The following TRAPPC11 variants were observed in gnomAD, a reference collection of about 807,000 sequenced individuals.
TRAPPC11 encodes foie gras homolog.
In TRAPPC11, 104 loss-of-function variants were observed where a neutral mutation model predicts 151.2. The observed-to-expected ratio is 0.69, with a 90% CI of 0.59 to 0.81. The LOEUF is 0.81. Ranked by LOEUF, TRAPPC11 falls within the 30% of genes least tolerant of loss-of-function variation. The probability of loss-of-function intolerance (pLI) is 0.00; values close to 1 mark genes in which losing one functional copy is unlikely to be tolerated. For synonymous variants in TRAPPC11, 456 were observed against 472.3 expected, an observed-to-expected ratio of 0.97 and a Z score of 0.45; for missense variants, 1,230 against 1,349.6, an observed-to-expected ratio of 0.91 and a Z score of 1.39.
At chr4:183,663,755 T>TTTTTTA in intron 1 of TRAPPC11, 92 bp from the exon 2 acceptor site, 2 of 473,398 alleles carry the variant, frequency 4.2e-6, no homozygotes, top group Non-Finnish European at 7.3e-6. Context: ...TTTTTTTTTT[T>TTTTTTA]GAGACAGAGT....
At chr4:183,662,927 G>C (rs746221655) in intron 1 of TRAPPC11, among the ~76,000 whole-genome samples, 1 of 152,024 alleles carries the variant, frequency 6.6e-6, no homozygotes, top group Non-Finnish European at 1.5e-5. Context: ...TAACATGAAA[G>C]ATTTTTTCTT....
intron 2 of TRAPPC11, among the ~76,000 whole-genome samples, chr4:183,665,341 A>T (rs191120504): frequency 6.6e-6 from 1 of 151,880 alleles, no homozygotes; most frequent in African/African-American, 2.4e-5. Context: ...TGATCTGCCC[A>T]CCTTGGCCTC....
intron 19 of TRAPPC11, 91 bp from the exon 20 acceptor site, chr4:183,692,869 T>A: frequency 1.7e-6 from 2 of 1,199,338 alleles, no homozygotes; most frequent in Non-Finnish European, 2.4e-6. Flanking sequence ...AACTCCATGG[T>A]CTTAGCAGTC....
chr4:183,664,154 T>C, intron 2 of TRAPPC11, 83 bp downstream of exon 2: 1 of 1,292,054 alleles, frequency 7.7e-7, no homozygotes, highest in Non-Finnish European at 1.1e-6. Flanking sequence ...GTTGTGTGTG[T>C]GGAGTTTATC....
intron 26 of TRAPPC11, among the ~76,000 whole-genome samples, chr4:183,702,535 C>T (rs1472975573): frequency 6.6e-6 from 1 of 151,970 alleles, no homozygotes; most frequent in Non-Finnish European, 1.5e-5. Context: ...ACAAAGCAAG[C>T]TACTGATGAG....
At chr4:183,674,398 G>T (rs1735305761) in intron 5 of TRAPPC11, among the ~76,000 whole-genome samples, 1 of 136,500 alleles carries the variant, frequency 7.3e-6, no homozygotes, top group Non-Finnish European at 1.5e-5. Flanking sequence ...AGCCTGGGTA[G>T]TGACAGAGCC....
chr4:183,667,197 G>T (rs898771522), intron 4 of TRAPPC11, 67 bp downstream of exon 4: 46 of 1,330,756 alleles, frequency 3.5e-5, no homozygotes, highest in Middle Eastern at 4.2e-4. Context: ...GGAGATAGGG[G>T]TTTTTTGGAT....
At chr4:183,667,278 G>A (rs1561028316) in intron 4 of TRAPPC11, 148 bp downstream of exon 4, 4 of 568,880 alleles carry the variant, frequency 7.0e-6, no homozygotes, top group Non-Finnish European at 1.2e-5. Flanking sequence ...AATGATACAT[G>A]AACAAATGCT....
Position 183,679,623 on chromosome 4 carries a change from T to A in TRAPPC11, c.965+137T>A, listed in dbSNP as rs563675731. 7 of 623,304 alleles carry A rather than the reference T, an allele frequency of 1.1e-5. No homozygotes were observed. The African/African-American group carries it at 1.3e-4, about 12-fold the overall frequency. 38.6% of individuals were successfully genotyped at this position (623,304 alleles called of 1,614,324 possible). On this transcript the variant is annotated intron_variant, in intron 9 of 29. Transcript: ENST00000334690. Reference sequence around the variant, plus strand: ...TTTTTGATGATGTAGCATAAGTATGTTTCTGGTAATATTGTACATTGATAT... The same window carrying A: ...TTTTTGATGATGTAGCATAAGTATGATTCTGGTAATATTGTACATTGATAT...
Position 183,677,602 on chromosome 4 carries a change from A to G in TRAPPC11, c.831+48A>G, listed in dbSNP as rs201503781. The G allele has an allele frequency of 1.6e-4, 174 of 1,067,538 alleles. No individual in the cohort carries two copies. In the African/African-American group the frequency reaches 2.7e-3, roughly 16 times the overall value. The allele number at this position is 1,067,538 out of a possible 1,614,324, so 66.1% of individuals were successfully genotyped here. A position where few individuals can be genotyped will look rare whatever the true frequency, so the allele number is the denominator to read the frequency against. Reference sequence around the variant, plus strand: ...CAGGGAATTTGTGTTTCAATATTAAATTATCTTTTTAAAATTTGAACATCA... The same window carrying G: ...CAGGGAATTTGTGTTTCAATATTAAGTTATCTTTTTAAAATTTGAACATCA... On this transcript the variant is annotated intron_variant, in intron 8 of 29. Transcript: ENST00000334690.
At chr4:183,669,546 A>G (rs4618352) in intron 5 of TRAPPC11, among the ~76,000 whole-genome samples, 77,448 of 152,082 alleles carry the variant, frequency 0.51, 20,492 homozygotes, top group African/African-American at 0.66. Context: ...CGAAGCCTTC[A>G]TTAGAAAGCT....
chr4:183,680,252 C>T lies in TRAPPC11; in HGVS notation c.1098C>T (p.Thr366=). 6.2e-7 allele frequency: 1 copy of T among 1,613,592 alleles called. No homozygotes were observed. The highest frequency in any genetic ancestry group is 1.3e-5 in the African/African-American group (1 of 75,002). ...AGGAGCGGAAACAGCTTGCAAAAAC[C>T]CTCTGTAACCACGAAGTAAGTTACT... ...YAQERKQLAK[T]LCNHEASVMY... is the part of the protein sequence containing the mutation. The change falls in exon 10 of 30, where the codon ACC becomes ACT. Residue 366 remains threonine (T), a synonymous_variant. Transcript: ENST00000334690.
intron 7 of TRAPPC11, among the ~76,000 whole-genome samples, chr4:183,675,957 G>A (rs1233298144): frequency 6.6e-6 from 1 of 151,924 alleles, no homozygotes; most frequent in African/African-American, 2.4e-5. Flanking sequence ...GAAGACAAAG[G>A]TATTAAAAAC....
chr4:183,686,378 C>G (rs913448762), intron 17 of TRAPPC11, among the ~76,000 whole-genome samples: 9 of 152,214 alleles, frequency 5.9e-5, no homozygotes, highest in Non-Finnish European at 1.2e-4. Context: ...CTCAAGTGAT[C>G]CGCCTGGCTT....
At chr4:183,671,092 C>G (rs1201439002) in intron 5 of TRAPPC11, among the ~76,000 whole-genome samples, 3 of 152,184 alleles carry the variant, frequency 2.0e-5, no homozygotes, top group South Asian at 2.1e-4. Context: ...TCTCGAACTC[C>G]TGACCTTAGG....
intron 17 of TRAPPC11, 95 bp from the exon 18 acceptor site, chr4:183,686,523 A>T: frequency 7.0e-7 from 1 of 1,429,738 alleles, no homozygotes; most frequent in Non-Finnish European, 9.6e-7. Context: ...GTCAGTGCAG[A>T]TGTGTCTTTC....
chr4:183,687,902 GAA>G (rs1300859192), intron 18 of TRAPPC11, among the ~76,000 whole-genome samples: 1 of 152,114 alleles, frequency 6.6e-6, no homozygotes, highest in African/African-American at 2.4e-5. Context: ...TTCTGCACAT[GAA>G]TATATAAGCA....
intron 1 of TRAPPC11, among the ~76,000 whole-genome samples, chr4:183,660,877 C>T (rs960028150): frequency 5.3e-5 from 8 of 151,996 alleles, no homozygotes; most frequent in Admixed American, 5.2e-4. Context: ...CCATGCCCGG[C>T]TAATTTTTGT....
chr4:183,673,316 T>C (rs565480786), intron 5 of TRAPPC11, among the ~76,000 whole-genome samples: 82 of 152,272 alleles, frequency 5.4e-4, no homozygotes, highest in African/African-American at 1.6e-3. Flanking sequence ...CATTATTTGG[T>C]TCAAGGTTAG....
Sources: allele counts gnomAD v4.1 joint callset (sites outside exome capture counted in the v4.1 genomes callset), GRCh38; gene constraint gnomAD v4.1.1; transcripts MANE v1.5; gene names NCBI Gene and HGNC (gene_info 2026-07-23, HGNC 2026-07-21).